Variants in SNRNP48 observed in about 807,000 individuals in gnomAD.
SNRNP48 encodes the protein U11/U12 small nuclear ribonucleoprotein 48 kDa protein.
Under a neutral mutation model 47.0 loss-of-function variants are expected in SNRNP48, and 43 were observed. The ratio of observed to expected loss-of-function variants is 0.92; its 90% CI spans 0.72 to 1.18. SNRNP48 has a LOEUF of 1.18. SNRNP48 is among the 50% of genes most tolerant of loss of function. SNRNP48 has a pLI of 0.00. For synonymous variants in SNRNP48, 138 were observed against 144.0 expected, an observed-to-expected ratio of 0.96 and a Z score of 0.30; for missense variants, 396 against 422.2, an observed-to-expected ratio of 0.94 and a Z score of 0.54.
chr6:7,590,636 C>G (rs1472832249), intron 1 of SNRNP48, among the ~76,000 whole-genome samples: 3 of 152,184 alleles, frequency 2.0e-5, no homozygotes, highest in Non-Finnish European at 4.4e-5. Flanking sequence ...CCCGAAGGCT[C>G]CACATCGACC....
Position 7,609,257 on chromosome 6 carries a change from C to T in SNRNP48, c.*384C>T, listed in dbSNP as rs1760188006. On this transcript the variant is annotated 3_prime_UTR_variant, in exon 9 of 9. Coordinates refer to ENST00000342415, the MANE Select transcript of SNRNP48 (RefSeq NM_152551.4). ...AGGCTAATAACCCTTAGAACACCACCTGCGGTTCTGTCCTCACCCCAGTGG... is the reference window on the plus strand; with the variant it reads ...AGGCTAATAACCCTTAGAACACCACTTGCGGTTCTGTCCTCACCCCAGTGG... 1 of 153,202 alleles carries T rather than the reference C, an allele frequency of 6.5e-6. No individual in the cohort carries two copies. Among genetic ancestry groups the T allele is most frequent in the African/African-American group, 2.4e-5 (1 of 41,466 alleles). The allele number at this position is 153,202 out of a possible 1,614,324, so 9.5% of individuals were successfully genotyped here.
At chr6:7,608,593 C>T (rs984830597) in intron 8 of SNRNP48, among the ~76,000 whole-genome samples, 5 of 151,804 alleles carry the variant, frequency 3.3e-5, no homozygotes, top group African/African-American at 7.3e-5. Flanking sequence ...AACTAAGAGA[C>T]GAAACTGAAA....
Position 7,590,504 on chromosome 6 carries a change from G to T in SNRNP48, c.156+91G>T. On this transcript the variant is annotated intron_variant, in intron 1 of 8. Coordinates refer to ENST00000342415, the MANE Select transcript of SNRNP48 (RefSeq NM_152551.4). ...AGATCCGCACTGGCAGCCGCGGAGG[G>T]AAGGGCGAGGAGTCCTCGTCCGTGT... is the stretch of plus-strand genomic sequence containing the variant. The T allele has an allele frequency of 2.5e-6, 3 of 1,220,770 alleles. No homozygotes were observed. In the South Asian group the frequency reaches 1.1e-4, roughly 46 times the overall value. The allele number at this position is 1,220,770 out of a possible 1,614,324, so 75.6% of individuals were successfully genotyped here.
chr6:7,610,858 C>T lies in SNRNP48; in HGVS notation c.*1985C>T, dbSNP rs1760221717. 6.6e-6 allele frequency: 1 copy of T among 151,848 alleles called. No homozygotes were observed. Among genetic ancestry groups the T allele is most frequent in the Non-Finnish European group, 1.5e-5 (1 of 67,992 alleles). 9.4% of individuals were successfully genotyped at this position (151,848 alleles called of 1,614,324 possible). Reference sequence around the variant, plus strand: ...GTTTGAGCCTTTCACTGGATGTGAGCTACTTGAGAGCAGGGTTTATGCCTT... The same window carrying T: ...GTTTGAGCCTTTCACTGGATGTGAGTTACTTGAGAGCAGGGTTTATGCCTT... On this transcript the variant is annotated 3_prime_UTR_variant, in exon 9 of 9. Coordinates refer to ENST00000342415, the MANE Select transcript of SNRNP48 (RefSeq NM_152551.4).
chr6:7,590,369 T>C lies in SNRNP48; in HGVS notation c.112T>C (p.Trp38Arg). Residue 38 changes from tryptophan (W) to arginine (R), a missense_variant, in exon 1 of 9, where the codon TGG (tryptophan) becomes CGG (arginine). Trp to Arg is a moderately radical substitution (Grantham distance 101). Coordinates refer to ENST00000342415, the MANE Select transcript of SNRNP48 (RefSeq NM_152551.4). ...TLEEVTASLGWDLDSLDPGEE... is the reference protein window; with the variant it reads ...TLEEVTASLGRDLDSLDPGEE... ...GGAGGAGGTGACCGCGTCCCTGGGC[T>C]GGGACCTAGATAGTCTGGATCCCGG... 7.3e-7 allele frequency: 1 copy of C among 1,376,260 alleles called. No homozygotes were observed. Among genetic ancestry groups the C allele is most frequent in the Non-Finnish European group, 9.5e-7 (1 of 1,051,742 alleles). The allele number at this position is 1,376,260 out of a possible 1,614,324, so 85.3% of individuals were successfully genotyped here.
chr6:7,605,582 G>GAT (rs1276745402), intron 7 of SNRNP48, 96 bp downstream of exon 7: 1 of 1,111,670 alleles, frequency 9.0e-7, no homozygotes, highest in East Asian at 2.5e-5. Flanking sequence ...CAAAACCCTT[G>GAT]ATAGCACACA....
intron 8 of SNRNP48, among the ~76,000 whole-genome samples, chr6:7,606,635 C>A (rs1294877596): frequency 6.6e-6 from 1 of 152,174 alleles, no homozygotes; most frequent in African/African-American, 2.4e-5. Context: ...TCAATTTTGC[C>A]TTTGTTAGTA....
chr6:7,602,133 G>A (rs773175717), intron 5 of SNRNP48, among the ~76,000 whole-genome samples: 3 of 152,084 alleles, frequency 2.0e-5, no homozygotes, highest in South Asian at 2.1e-4. Flanking sequence ...GGATTACAAC[G>A]TGAGCCACTG....
At chr6:7,600,435 T>A (rs1269896497) in intron 4 of SNRNP48, 1 of 153,748 alleles carries the variant, frequency 6.5e-6, no homozygotes, top group African/African-American at 2.4e-5. Flanking sequence ...AATAAAAGGA[T>A]TCCTTTAGTA....
chr6:7,597,035 G>A lies in SNRNP48; in HGVS notation c.406+1934G>A, dbSNP rs114022992. ...AGTGTGTTTGTTCTAAAGGTTCTCCGTATTTTTATTTTTTAAAAGGTTATT... is the reference window on the plus strand; with the variant it reads ...AGTGTGTTTGTTCTAAAGGTTCTCCATATTTTTATTTTTTAAAAGGTTATT... On this transcript the variant is annotated intron_variant, in intron 4 of 8. Coordinates refer to ENST00000342415, the MANE Select transcript of SNRNP48 (RefSeq NM_152551.4). Among the ~76,000 whole-genome samples the A allele has an allele frequency of 5.2e-3, 790 of 152,250 alleles. 13 individuals are homozygous for A. The highest frequency in any genetic ancestry group is 0.018 in the African/African-American group (735 of 41,544).
intron 1 of SNRNP48, among the ~76,000 whole-genome samples, chr6:7,590,617 C>T (rs1463332258): frequency 6.6e-6 from 1 of 152,166 alleles, no homozygotes; most frequent in Non-Finnish European, 1.5e-5. Context: ...CTGGGGCGCG[C>T]GAGGAACTCC....
intron 4 of SNRNP48, among the ~76,000 whole-genome samples, chr6:7,599,300 A>G (rs1435372480): frequency 6.6e-6 from 1 of 152,172 alleles, no homozygotes; most frequent in African/African-American, 2.4e-5. Flanking sequence ...TATTAAAACA[A>G]TAGATTAGAG....
chr6:7,599,471 A>AG (rs1251484376), intron 4 of SNRNP48, among the ~76,000 whole-genome samples: 2 of 152,182 alleles, frequency 1.3e-5, no homozygotes, highest in Non-Finnish European at 2.9e-5. Context: ...AGGCAGCCAA[A>AG]GGGTCTTAGA....
At position 7,602,628 on chromosome 6, in the gene SNRNP48, A is replaced by G. The variant is rs143987188; in HGVS notation, c.601A>G (p.Ser201Gly). The stretch of plus-strand genomic sequence containing the variant: ...TTATTTTATTCTTTCATTAGACAAT[A>G]GTCGAAAAAGTCCAAAATCCTACCT... ...DLAAKINQDN[S>G]RKSPKSYLEI... is the part of the protein sequence containing the mutation. Residue 201 changes from serine (S) to glycine (G), a missense_variant, in exon 6 of 9, where the codon AGT becomes GGT. Transcript: ENST00000342415. 3.8e-6 allele frequency: 6 copies of G among 1,584,112 alleles called. No individual in the cohort carries two copies. The highest frequency in any genetic ancestry group is 1.4e-5 in the African/African-American group (1 of 73,038).
At chr6:7,590,977 CA>C in intron 1 of SNRNP48, among the ~76,000 whole-genome samples, 1 of 152,238 alleles carries the variant, frequency 6.6e-6, no homozygotes, top group East Asian at 1.9e-4. Flanking sequence ...GACCCTGTCT[CA>C]AAAAACAAAC....
chr6:7,594,207 G>A (rs1759865889), intron 3 of SNRNP48, 48 bp downstream of exon 3: 1 of 938,050 alleles, frequency 1.1e-6, no homozygotes, highest in East Asian at 2.9e-5. Flanking sequence ...TGTAGATATT[G>A]ATTTTTCATT....
At chr6:7,591,511 AC>A (rs1396256691) in intron 1 of SNRNP48, among the ~76,000 whole-genome samples, 2 of 152,188 alleles carry the variant, frequency 1.3e-5, no homozygotes, top group Non-Finnish European at 1.5e-5. Flanking sequence ...TTCTGTATAT[AC>A]CATTCATTGT....
intron 4 of SNRNP48, chr6:7,599,561 A>T (rs1759974467): frequency 1.9e-6 from 1 of 536,330 alleles, no homozygotes; most frequent in Non-Finnish European, 2.8e-6. Flanking sequence ...ATTTTATGTA[A>T]ATGTAAGTTT....
rs748214724 is a variant in SNRNP48 at position 7,594,111 on chromosome 6, A to C, written c.283A>C (p.Asn95His). Residue 95 changes from asparagine (N) to histidine (H), a missense_variant, in exon 3 of 9, where the codon AAT (asparagine) becomes CAT (histidine). Coordinates refer to ENST00000342415, the MANE Select transcript of SNRNP48 (RefSeq NM_152551.4). The part of the protein sequence containing the change: ...YTKEEEDEMY[N>H]PEFFYENVKI... Reference sequence around the variant, plus strand: ...TCTTTTTTTTCAGGATGAAATGTATAATCCTGAGTTTTTCTATGAAAATGT... The same window carrying C: ...TCTTTTTTTTCAGGATGAAATGTATCATCCTGAGTTTTTCTATGAAAATGT... The C allele has an allele frequency of 1.9e-5, 27 of 1,435,374 alleles. No individual in the cohort carries two copies. Among genetic ancestry groups the C allele is most frequent in the African/African-American group, 2.9e-5 (2 of 69,584 alleles). 88.9% of individuals were successfully genotyped at this position (1,435,374 alleles called of 1,614,324 possible).
Sources: allele counts gnomAD v4.1 joint callset (sites outside exome capture counted in the v4.1 genomes callset), GRCh38; gene constraint gnomAD v4.1.1; transcripts MANE v1.5; gene names NCBI Gene and HGNC (gene_info 2026-07-23, HGNC 2026-07-21).